LRRTM4: variants seen among roughly 807,000 people sequenced by gnomAD.
LRRTM4 encodes leucine-rich repeat transmembrane neuronal protein 4.
In LRRTM4, 25 loss-of-function variants were observed where a neutral mutation model predicts 47.6. That is an observed-to-expected ratio of 0.53 (90% CI 0.38 to 0.73). The LOEUF is 0.73. Ranked by LOEUF, LRRTM4 falls within the 30% of genes least tolerant of loss-of-function variation. The pLI is 0.00. For synonymous variants in LRRTM4, 311 were observed against 269.5 expected, an observed-to-expected ratio of 1.15 and a Z score of -1.51; for missense variants, 638 against 713.4, an observed-to-expected ratio of 0.89 and a Z score of 1.20.
chr2:76,853,092 G>A (rs1484839144), intron 3 of LRRTM4, among the ~76,000 whole-genome samples: 1 of 152,104 alleles, frequency 6.6e-6, no homozygotes, highest in Non-Finnish European at 1.5e-5. Context: ...ATGCTGAAAA[G>A]TTTGGACTTG....
intron 3 of LRRTM4, among the ~76,000 whole-genome samples, chr2:77,502,201 A>G (rs10170202): frequency 0.042 from 6,407 of 151,678 alleles, 463 homozygotes; most frequent in African/African-American, 0.15. Context: ...ATGGCAGATT[A>G]TAAGCAATTC....
intron 3 of LRRTM4, among the ~76,000 whole-genome samples, chr2:77,184,091 GATA>G (rs1409784926): frequency 2.0e-5 from 3 of 151,350 alleles, no homozygotes; most frequent in Non-Finnish European, 3.0e-5. Context: ...AATACAAAAA[GATA>G]ATAATAAAAG....
chr2:76,892,727 A>G (rs558530750), intron 3 of LRRTM4, among the ~76,000 whole-genome samples: 2 of 151,866 alleles, frequency 1.3e-5, no homozygotes, highest in Admixed American at 1.3e-4. Flanking sequence ...GTGTATTTTA[A>G]ATTCAGAAAG....
rs549786608 is a variant in LRRTM4 at position 76,748,768 on chromosome 2, C to T, written c.1700G>A (p.Arg567Gln). The T allele has an allele frequency of 1.7e-5, 28 of 1,613,932 alleles. No individual in the cohort carries two copies. In the Admixed American group the frequency reaches 4.2e-4, roughly 24 times the overall value. ...GATGGTGGCGATGAAGCTGTGGTCT[C>T]GGCCCAGCTCCAGGCCGGGGCTTTC... The part of the protein sequence containing the change: ...QDESPGLELG[R>Q]DHSFIATIAR... The change falls in exon 4 of 4, where the codon CGA (arginine) becomes CAA (glutamine). Residue 567 changes from arginine (R) to glutamine (Q), a missense_variant. By Grantham distance (43) the Arg-to-Gln change is conservative. Transcript: ENST00000409884.
chr2:77,181,662 CAGATTGATAACTTGTT>C (rs1573046531), intron 3 of LRRTM4, among the ~76,000 whole-genome samples: 1 of 151,844 alleles, frequency 6.6e-6, no homozygotes, highest in East Asian at 1.9e-4. Flanking sequence ...TGAATAAGAA[CAGATTGATAACTTGTT>C]AGTATTATTA....
intron 3 of LRRTM4, among the ~76,000 whole-genome samples, chr2:76,841,811 T>C (rs553026782): frequency 1.3e-5 from 2 of 152,028 alleles, no homozygotes; most frequent in Non-Finnish European, 2.9e-5. Flanking sequence ...TATTCAACTA[T>C]ACTAGAAACT....
At chr2:76,813,060 A>C (rs771886669) in intron 3 of LRRTM4, among the ~76,000 whole-genome samples, 116 of 151,994 alleles carry the variant, frequency 7.6e-4, no homozygotes, top group African/African-American at 5.8e-4. Context: ...GCTACTTGGG[A>C]GACTGAGGCA....
At chr2:76,928,188 T>C (rs1674651332) in intron 3 of LRRTM4, among the ~76,000 whole-genome samples, 1 of 152,194 alleles carries the variant, frequency 6.6e-6, no homozygotes, top group Non-Finnish European at 1.5e-5. Flanking sequence ...AGTCACACTT[T>C]AGAATCACAT....
At chr2:76,815,855 A>ATGTT (rs1670881690) in intron 3 of LRRTM4, among the ~76,000 whole-genome samples, 1 of 152,180 alleles carries the variant, frequency 6.6e-6, no homozygotes, top group Non-Finnish European at 1.5e-5. Flanking sequence ...TATTTTGAAT[A>ATGTT]TGTTAGCTTC....
At chr2:76,896,575 G>C (rs918627526) in intron 3 of LRRTM4, among the ~76,000 whole-genome samples, 13 of 151,900 alleles carry the variant, frequency 8.6e-5, no homozygotes, top group African/African-American at 3.1e-4. Flanking sequence ...AGTTTATATG[G>C]TTCAAAGTTA....
At chr2:77,138,391 GA>G (rs1672013335) in intron 3 of LRRTM4, among the ~76,000 whole-genome samples, 1 of 152,108 alleles carries the variant, frequency 6.6e-6, no homozygotes, top group Non-Finnish European at 1.5e-5. Flanking sequence ...ATAACGAAAT[GA>G]AGGCAGAAAT....
At chr2:77,262,112 A>G (rs1675933331) in intron 3 of LRRTM4, among the ~76,000 whole-genome samples, 1 of 152,100 alleles carries the variant, frequency 6.6e-6, no homozygotes, top group Non-Finnish European at 1.5e-5. Flanking sequence ...ATGCCTCATA[A>G]TCTGTCAGTG....
chr2:77,243,764 T>A (rs1288523499), intron 3 of LRRTM4, among the ~76,000 whole-genome samples: 1 of 115,852 alleles, frequency 8.6e-6, no homozygotes, highest in Non-Finnish European at 1.8e-5. Context: ...CCCTTTTTTT[T>A]TCTTTTTCCT....
chr2:77,401,538 T>C (rs905877692), intron 3 of LRRTM4, among the ~76,000 whole-genome samples: 1 of 151,950 alleles, frequency 6.6e-6, no homozygotes, highest in African/African-American at 2.4e-5. Flanking sequence ...TTGTTCACTA[T>C]TGAATTCCTA....
At chr2:76,968,042 T>C (rs1038122038) in intron 3 of LRRTM4, among the ~76,000 whole-genome samples, 1 of 151,274 alleles carries the variant, frequency 6.6e-6, no homozygotes, top group African/African-American at 2.4e-5. Context: ...GATAAAAAGA[T>C]TAAAGGTATA....
chr2:76,761,399 A>G (rs1399276907), intron 3 of LRRTM4, among the ~76,000 whole-genome samples: 1 of 152,144 alleles, frequency 6.6e-6, no homozygotes, highest in Non-Finnish European at 1.5e-5. Flanking sequence ...GTTACCATCA[A>G]TTTGGTTATG....
intron 3 of LRRTM4, among the ~76,000 whole-genome samples, chr2:77,069,548 C>G (rs1680080977): frequency 6.6e-6 from 1 of 152,018 alleles, no homozygotes; most frequent in South Asian, 2.1e-4. Context: ...TTTTGTAGAA[C>G]TAATTCAATT....
chr2:77,210,520 C>T (rs1219954022), intron 3 of LRRTM4, among the ~76,000 whole-genome samples: 1 of 152,122 alleles, frequency 6.6e-6, no homozygotes, highest in African/African-American at 2.4e-5. Flanking sequence ...CCTTTTCTGT[C>T]TCTGTGTCAT....
intron 3 of LRRTM4, among the ~76,000 whole-genome samples, chr2:76,858,929 T>A (rs1465782516): frequency 6.6e-6 from 1 of 152,168 alleles, no homozygotes; most frequent in Non-Finnish European, 1.5e-5. Context: ...CAAGAAAATA[T>A]CTCCATCCAG....
Sources: allele counts gnomAD v4.1 joint callset (sites outside exome capture counted in the v4.1 genomes callset), GRCh38; gene constraint gnomAD v4.1.1; transcripts MANE v1.5; gene names NCBI Gene and HGNC (gene_info 2026-07-23, HGNC 2026-07-21).